VPS13B: variants seen among roughly 807,000 people sequenced by gnomAD.
The protein encoded by VPS13B is vacuolar protein sorting 13 homolog B.
VPS13B carries 285 observed loss-of-function variants against 426.4 expected under a neutral mutation model. That is an observed-to-expected ratio of 0.67 (90% confidence interval 0.61 to 0.74). The LOEUF is 0.74. Among genes scored for constraint, VPS13B ranks in the 30% least tolerant of loss-of-function variants. The pLI is 0.00. For synonymous variants in VPS13B, 1,676 were observed against 1,676.4 expected (o/e 1.00, Z 0.01); for missense variants, 4,537 against 4,782.6 (o/e 0.95, Z 1.51).
intron 15 of VPS13B, among the ~76,000 whole-genome samples, chr8:99,168,156 AGGT>A (rs1301520391): frequency 6.6e-6 from 1 of 152,164 alleles, no homozygotes; most frequent in African/African-American, 2.4e-5. Context: ...AATATTTAGA[AGGT>A]AACTTCTTTG....
intron 15 of VPS13B, among the ~76,000 whole-genome samples, chr8:99,162,425 G>T (rs930744954): frequency 6.6e-6 from 1 of 152,238 alleles, no homozygotes; most frequent in Non-Finnish European, 1.5e-5. Flanking sequence ...TGTGTCCGGA[G>T]TTGGTGGGTT....
intron 55 of VPS13B, among the ~76,000 whole-genome samples, 168 bp downstream of exon 55, chr8:99,849,062 G>C (rs576217731): frequency 1.3e-5 from 2 of 152,214 alleles, no homozygotes; most frequent in South Asian, 4.2e-4. Context: ...CCCTTCAATA[G>C]GTAGCAATAA....
chr8:99,365,516 C>CTTCTTTTTTT (rs71273182), intron 19 of VPS13B, among the ~76,000 whole-genome samples: 6 of 102,392 alleles, frequency 5.9e-5, no homozygotes, highest in African/African-American at 8.0e-5. Flanking sequence ...TCTTCTTCTT[C>CTTCTTTTTTT]TTTTTTTTTT....
At chr8:99,399,443 GAT>G (rs1253018391) in intron 21 of VPS13B, among the ~76,000 whole-genome samples, 1 of 151,992 alleles carries the variant, frequency 6.6e-6, no homozygotes, top group Middle Eastern at 3.2e-3. Flanking sequence ...ATGATTATTT[GAT>G]ATGTTACCCA....
rs138073578 is a variant in VPS13B at position 99,786,905 on chromosome 8, C to T, written c.7941+2429C>T. On this transcript the variant is annotated intron_variant, in intron 43 of 61. Coordinates refer to ENST00000357162, the MANE Select transcript of VPS13B (RefSeq NM_152564.5). ...ATTACATTCACAGTTGAAAATTCTG[C>T]TGTGTTCTAATGAGAGGCTACATGA... is the stretch of plus-strand genomic sequence containing the variant. Among the ~76,000 whole-genome samples the T allele has an allele frequency of 1.4e-4, 21 of 152,238 alleles. No individual in the cohort carries two copies. In the East Asian group the frequency reaches 3.9e-3, roughly 28 times the overall value.
At chr8:99,373,337 A>G (rs948365312) in intron 19 of VPS13B, among the ~76,000 whole-genome samples, 1 of 152,054 alleles carries the variant, frequency 6.6e-6, no homozygotes, top group Non-Finnish European at 1.5e-5. Flanking sequence ...TTAAAAAAAA[A>G]AAAAGAAAAA....
chr8:99,738,513 A>G (rs1315212769), intron 39 of VPS13B, among the ~76,000 whole-genome samples: 9 of 152,274 alleles, frequency 5.9e-5, no homozygotes. Flanking sequence ...GAAAATTCAG[A>G]GCTTAACCTT....
chr8:99,564,412 G>A (rs923092174), intron 31 of VPS13B, among the ~76,000 whole-genome samples: 1 of 152,140 alleles, frequency 6.6e-6, no homozygotes, highest in Non-Finnish European at 1.5e-5. Flanking sequence ...GGAAACATCC[G>A]GCAGCACATC....
chr8:99,736,987 A>T (rs1480830769), intron 39 of VPS13B, among the ~76,000 whole-genome samples: 1 of 151,978 alleles, frequency 6.6e-6, no homozygotes, highest in Admixed American at 6.6e-5. Context: ...TCTATCAGGC[A>T]TTCTGATTAT....
At chr8:99,561,169 G>T (rs1824902312) in intron 31 of VPS13B, among the ~76,000 whole-genome samples, 1 of 152,058 alleles carries the variant, frequency 6.6e-6, no homozygotes, top group African/African-American at 2.4e-5. Flanking sequence ...CCGTTGCCTG[G>T]TAGGCAGTTT....
At chr8:99,311,263 C>G (rs906764471) in intron 19 of VPS13B, among the ~76,000 whole-genome samples, 7 of 151,924 alleles carry the variant, frequency 4.6e-5, no homozygotes, top group Non-Finnish European at 8.8e-5. Flanking sequence ...TGTGATGTTA[C>G]AGTGTTGATT....
chr8:99,489,913 T>G (rs1820510324), intron 25 of VPS13B, among the ~76,000 whole-genome samples: 2 of 152,216 alleles, frequency 1.3e-5, no homozygotes, highest in African/African-American at 4.8e-5. Flanking sequence ...CCTGCCTGAT[T>G]GCCCTGGTTG....
chr8:99,335,462 C>T (rs545912350), intron 19 of VPS13B, among the ~76,000 whole-genome samples: 103 of 151,970 alleles, frequency 6.8e-4, no homozygotes, highest in Admixed American at 2.4e-3. Flanking sequence ...GTGTCAATTT[C>T]AGATCTTTCC....
chr8:99,133,315 A>G (rs924101144), intron 8 of VPS13B, among the ~76,000 whole-genome samples: 4 of 152,222 alleles, frequency 2.6e-5, no homozygotes, highest in Middle Eastern at 3.2e-3. Context: ...CTATTAGCCT[A>G]CATAGAATTT....
chr8:99,169,530 A>G (rs1436453539), intron 15 of VPS13B, among the ~76,000 whole-genome samples: 1 of 152,074 alleles, frequency 6.6e-6, no homozygotes, highest in Non-Finnish European at 1.5e-5. Context: ...CACAAAAGAA[A>G]ATAGAAATAA....
At position 99,193,065 on chromosome 8, in the gene VPS13B, C is replaced by T. The variant is rs758789053; in HGVS notation, c.2515+8C>T. On this transcript the variant is annotated splice_region_variant and intron_variant, in intron 17 of 61. Coordinates refer to ENST00000357162, the MANE Select transcript of VPS13B (RefSeq NM_152564.5). ...AAATCTTCCTAAGTATAGGTAAGAG[C>T]ACAGTCTTTTTGATAACTATATGGA... 7.4e-6 allele frequency: 12 copies of T among 1,612,932 alleles called. No homozygotes were observed. In the South Asian group the frequency reaches 1.2e-4, roughly 16 times the overall value.
At chr8:99,400,824 C>T (rs188001907) in intron 21 of VPS13B, among the ~76,000 whole-genome samples, 181 of 152,246 alleles carry the variant, frequency 1.2e-3, no homozygotes, top group Non-Finnish European at 2.2e-3. Context: ...GTGCCCACCA[C>T]CACACGTGGC....
intron 4 of VPS13B, among the ~76,000 whole-genome samples, chr8:99,099,817 T>C (rs1846631724): frequency 6.6e-6 from 1 of 152,128 alleles, no homozygotes; most frequent in Non-Finnish European, 1.5e-5. Flanking sequence ...TGGATATAGA[T>C]GTATGTTTGG....
chr8:99,686,226 T>TA (rs1484487416), intron 35 of VPS13B, among the ~76,000 whole-genome samples: 1 of 152,186 alleles, frequency 6.6e-6, no homozygotes, highest in African/African-American at 2.4e-5. Context: ...AGTCTCTCTG[T>TA]ACTGAGCTGC....
Sources: gnomAD v4.1 joint callset for allele counts (sites outside exome capture counted in the v4.1 genomes callset) on GRCh38, gnomAD v4.1.1 for gene constraint, MANE v1.5 for transcripts, NCBI Gene and HGNC (gene_info 2026-07-23, HGNC 2026-07-21) for gene names.